SCN3A: variants seen among roughly 807,000 people sequenced by gnomAD.
SCN3A encodes the protein sodium channel protein type 3 subunit alpha.
In SCN3A, 60 loss-of-function variants were observed where a neutral mutation model predicts 187.6. That is an observed-to-expected ratio of 0.32 (90% CI 0.26 to 0.40). The LOEUF (loss-of-function observed/expected upper bound fraction) is 0.40, where lower values mean the gene tolerates loss of function less well. Ranked by LOEUF, SCN3A falls within the 10% of genes least tolerant of loss-of-function variation. The probability of loss-of-function intolerance (pLI) is 1.00; values close to 1 mark genes in which losing one functional copy is unlikely to be tolerated. For missense variants in SCN3A, 1,601 were observed against 2,428.2 expected (o/e 0.66, Z 7.16); for synonymous variants, 788 against 829.2 (o/e 0.95, Z 0.85).
intron 17 of SCN3A, among the ~76,000 whole-genome samples, chr2:165,128,832 G>A (rs886829944): frequency 6.6e-5 from 10 of 152,002 alleles, no homozygotes; most frequent in Admixed American, 3.9e-4. Flanking sequence ...AAAGTATGAG[G>A]CGATTTTAAC....
intron 12 of SCN3A, 66 bp downstream of exon 12, chr2:165,146,673 A>C: frequency 6.3e-7 from 1 of 1,585,262 alleles, no homozygotes. Flanking sequence ...GTACCAAAAC[A>C]AAATACAAAA....
chr2:165,127,621 G>A lies in SCN3A; in HGVS notation c.3393+10C>T, dbSNP rs201684896. ...AGGAAATGGAACAAAAAATTTAAAA[G>A]CATTCTTACCTCTTTGCTTTCTTCT... On this transcript the variant is annotated intron_variant, in intron 18 of 27. Coordinates refer to ENST00000283254, the MANE Select transcript of SCN3A (RefSeq NM_006922.4). 6.2e-6 allele frequency: 10 copies of A among 1,606,816 alleles called. No individual in the cohort carries two copies. In the East Asian group the frequency reaches 1.8e-4, roughly 29 times the overall value.
Position 165,182,132 on chromosome 2 carries a change from C to T in SCN3A, c.-51+4419G>A, listed in dbSNP as rs369206027. ...GACAAATGCCATTTTGGTATTATTA[C>T]GAAAGTAGTTTAGAGCTCAAAGCTC... is the stretch of plus-strand genomic sequence containing the variant. On this transcript the variant is annotated intron_variant, in intron 2 of 27. Transcript: ENST00000283254. Among the ~76,000 whole-genome samples, 29 of 152,270 alleles carry T rather than the reference C, an allele frequency of 1.9e-4. No individual in the cohort carries two copies. The East Asian group carries it at 2.5e-3, about 13-fold the overall frequency.
intron 1 of SCN3A, among the ~76,000 whole-genome samples, chr2:165,192,838 A>G (rs747789618): frequency 2.2e-4 from 34 of 152,248 alleles, no homozygotes; most frequent in Non-Finnish European, 3.8e-4. Context: ...GGATGTATTG[A>G]CTACCTACCA....
intron 5 of SCN3A, among the ~76,000 whole-genome samples, chr2:165,167,990 G>A (rs1038276499): frequency 7.9e-5 from 12 of 152,082 alleles, no homozygotes; most frequent in Admixed American, 3.9e-4. Flanking sequence ...CATTTCAAGG[G>A]AGAAAGGATG....
Position 165,138,093 on chromosome 2 carries a change from C to A in SCN3A, c.2177G>T (p.Cys726Phe). The change falls in exon 15 of 28, where the codon TGT (cysteine) becomes TTT (phenylalanine). Residue 726 changes from cysteine to phenylalanine, a missense_variant. Around this residue, in one of 11 missense-constraint regions of SCN3A, gnomAD observed 376 missense variants for 476.0 expected, o/e 0.79. Transcript: ENST00000283254. ...GGCAAATCTATACCAGCATGGCGGA[C>A]ATTTCTGTCTAGATTCTTCAAGTTC... ...MEELEESRQKCPPCWYRFANV... is the reference protein window; with the variant it reads ...MEELEESRQKFPPCWYRFANV... 2 of 1,613,368 alleles carry A rather than the reference C, an allele frequency of 1.2e-6. No individual in the cohort carries two copies. Among genetic ancestry groups the A allele is most frequent in the South Asian group, 2.2e-5 (2 of 91,072 alleles).
chr2:165,102,428 A>T (rs1685651071), intron 21 of SCN3A, among the ~76,000 whole-genome samples: 1 of 152,116 alleles, frequency 6.6e-6, no homozygotes, highest in African/African-American at 2.4e-5. Flanking sequence ...AGGCAGGATG[A>T]TTGCTTAAGC....
chr2:165,164,324 CA>C, intron 6 of SCN3A, 67 bp downstream of exon 6: 1 of 1,601,312 alleles, frequency 6.2e-7, no homozygotes, highest in Non-Finnish European at 8.6e-7. Flanking sequence ...ATATATGACA[CA>C]AAGACCTTGT....
Position 165,186,550 on chromosome 2 carries a change from C to A in SCN3A, c.-51+1G>T, listed in dbSNP as rs896355998. The A allele has an allele frequency of 6.6e-6, 1 of 152,146 alleles. No homozygotes were observed. Among genetic ancestry groups the A allele is most frequent in the African/African-American group, 2.4e-5 (1 of 41,422 alleles). 9.4% of individuals were successfully genotyped at this position (152,146 alleles called of 1,614,324 possible). A position where few individuals can be genotyped will look rare whatever the true frequency, so the allele number is the denominator to read the frequency against. On this transcript the variant is annotated splice_donor_variant, in intron 2 of 27. Transcript: ENST00000283254. LOFTEE classifies it low-confidence loss of function (5UTR_SPLICE). ...CTTATACCCAGAAGTTGTTTAGTTA[C>A]CTTAGATAGTCACAGCACCTTTTTC...
chr2:165,097,181 G>A, intron 23 of SCN3A, 71 bp downstream of exon 23: 4 of 1,569,088 alleles, frequency 2.5e-6, no homozygotes, highest in Non-Finnish European at 3.5e-6. Flanking sequence ...TTCAAACGAA[G>A]AACATCAGGG....
At chr2:165,102,986 T>G (rs938426552) in intron 21 of SCN3A, among the ~76,000 whole-genome samples, 1 of 152,244 alleles carries the variant, frequency 6.6e-6, no homozygotes, top group African/African-American at 2.4e-5. Context: ...CCACGCAAAT[T>G]ACGATAAGAT....
At chr2:165,115,652 G>A in intron 18 of SCN3A, 77 bp from the exon 19 acceptor site, 1 of 1,382,014 alleles carries the variant, frequency 7.2e-7, no homozygotes, top group African/African-American at 1.4e-5. Context: ...GTGTCATTGT[G>A]TGAAAAAAAA....
In SCN3A at chr2:165,137,997, A is replaced by T. The variant is rs376749282; in HGVS notation, c.2273T>A (p.Met758Lys). ...GATGGCAAGATCAACAAATGGATCC[A>T]TAACAATTAAATTCACAAGATGTTT... ...KVKHLVNLIVMDPFVDLAITI... is the reference protein window; with the variant it reads ...KVKHLVNLIVKDPFVDLAITI... Residue 758 changes from methionine to lysine, a missense_variant, in exon 15 of 28, where the codon ATG (methionine) becomes AAG (lysine). Physicochemically the swap from Met to Lys is moderately conservative, Grantham distance 95. Around this residue, in one of 11 missense-constraint regions of SCN3A, gnomAD observed 376 missense variants for 476.0 expected, o/e 0.79. Transcript: ENST00000283254. The T allele has an allele frequency of 6.2e-7, 1 of 1,613,614 alleles. No homozygotes were observed. The highest frequency in any genetic ancestry group is 8.5e-7 in the Non-Finnish European group (1 of 1,179,590).
In SCN3A at chr2:165,176,366, C is replaced by T. The variant is rs754710772; in HGVS notation, c.29G>A (p.Gly10Glu). MAQALLVPP[G>E]PESFRLFTRE... ...AGTAAAAAGGCGGAAGCTTTCAGGT[C>T]CTGGGGGTACCAACAGTGCCTGTGC... Residue 10 changes from glycine (G) to glutamate (E), a missense_variant, in exon 3 of 28, where the codon GGA becomes GAA. Physicochemically the swap from Gly to Glu is moderately conservative, Grantham distance 98 (BLOSUM62 -2). Transcript: ENST00000283254. The T allele has an allele frequency of 1.2e-6, 2 of 1,613,996 alleles. No homozygotes were observed. Among genetic ancestry groups the T allele is most frequent in the Non-Finnish European group, 1.7e-6 (2 of 1,179,970 alleles).
At chr2:165,135,907 T>C (rs955314931) in intron 15 of SCN3A, among the ~76,000 whole-genome samples, 26 of 152,272 alleles carry the variant, frequency 1.7e-4, no homozygotes, top group Non-Finnish European at 2.5e-4. Context: ...TAACCTGAAC[T>C]TATAGATGGT....
At chr2:165,167,613 T>C (rs1689851341) in intron 5 of SCN3A, among the ~76,000 whole-genome samples, 1 of 152,174 alleles carries the variant, frequency 6.6e-6, no homozygotes, top group South Asian at 2.1e-4. Context: ...ATAACCACTT[T>C]GTTTCACTAA....
Position 165,108,709 on chromosome 2 carries a change from T to A in SCN3A, c.3843+4176A>T, listed in dbSNP as rs569164798. ...AATATTAATTAAATTATGTATTTAC[T>A]TCATTGTGTGGTCAATAGCAGCATC... On this transcript the variant is annotated intron_variant, in intron 21 of 27. Transcript: ENST00000283254. 2.6e-5 allele frequency among the ~76,000 whole-genome samples: 4 copies of A among 152,322 alleles called. No individual in the cohort carries two copies. The East Asian group carries it at 7.7e-4, about 29-fold the overall frequency.
At chr2:165,185,964 A>T (rs370524380) in intron 2 of SCN3A, among the ~76,000 whole-genome samples, 2 of 152,234 alleles carry the variant, frequency 1.3e-5, no homozygotes, top group East Asian at 3.9e-4. Context: ...GTCTCTCTTA[A>T]AAGAAAAATA....
intron 11 of SCN3A, among the ~76,000 whole-genome samples, chr2:165,154,218 C>T (rs1688872878): frequency 6.6e-6 from 1 of 151,668 alleles, no homozygotes; most frequent in Non-Finnish European, 1.5e-5. Context: ...CATAGTAAAC[C>T]TTATCTCTAA....
Sources: gnomAD v4.1 joint callset for allele counts (sites outside exome capture counted in the v4.1 genomes callset) on GRCh38, gnomAD v4.1.1 for gene constraint, gnomAD v4.1.1 regional missense constraint, MANE v1.5 for transcripts, NCBI Gene and HGNC (gene_info 2026-07-23, HGNC 2026-07-21) for gene names.